The following PLA2G7 variants were observed in gnomAD, a reference collection of about 807,000 sequenced individuals.
PLA2G7 encodes the protein phospholipase A2 group VII.
PLA2G7 carries 63 observed loss-of-function variants against 49.6 expected under a neutral mutation model. That is an observed-to-expected ratio of 1.27 (90% confidence interval 1.04 to 1.57). The LOEUF (loss-of-function observed/expected upper bound fraction) is 1.57, where lower values mean the gene tolerates loss of function less well. Among genes scored for constraint, PLA2G7 ranks in the 40% most tolerant of loss-of-function variants. The pLI is 0.00. For missense variants in PLA2G7, 596 were observed against 521.2 expected, an observed-to-expected ratio of 1.14 and a Z score of -1.40; for synonymous variants, 193 against 169.9, an observed-to-expected ratio of 1.14 and a Z score of -1.06.
rs976172027 is a variant in PLA2G7, at chr6:46,704,464, T to A, written c.*96A>T. On this transcript the variant is annotated 3_prime_UTR_variant, in exon 12 of 12. Transcript: ENST00000274793. Reference sequence around the variant, plus strand: ...AATTCTCTCTCTCTCTCTCTCTCTCTCTCTCTCTCTCTCTCACACACACAC... The same window carrying A: ...AATTCTCTCTCTCTCTCTCTCTCTCACTCTCTCTCTCTCTCACACACACAC... 1 of 600,558 alleles carries A rather than the reference T, an allele frequency of 1.7e-6. No individual in the cohort carries two copies. The highest frequency in any genetic ancestry group is 2.9e-6 in the Non-Finnish European group (1 of 349,900). 37.2% of individuals were successfully genotyped at this position (600,558 alleles called of 1,614,324 possible).
chr6:46,711,464 CACCA>C, intron 7 of PLA2G7, 28 bp downstream of exon 7: 1 of 1,612,090 alleles, frequency 6.2e-7, no homozygotes, highest in Non-Finnish European at 8.5e-7. Context: ...GCTTTTAGGT[CACCA>C]ACCACCTCTC....
In PLA2G7 at chr6:46,711,522, C is replaced by T; in HGVS notation, c.637G>A (p.Glu213Lys). 1 of 1,613,790 alleles carries T rather than the reference C, an allele frequency of 6.2e-7. No homozygotes were observed. The highest frequency in any genetic ancestry group is 8.5e-7 in the Non-Finnish European group (1 of 1,179,720). The change falls in exon 7 of 12, where the codon GAG (glutamate) becomes AAG (lysine). Residue 213 changes from glutamate (E) to lysine (K), a missense_variant. Glu to Lys is a moderately conservative substitution (Grantham distance 56). Transcript: ENST00000274793. ...WLYLRTLKQEEETHIRNEQVR... is the reference protein window; with the variant it reads ...WLYLRTLKQEKETHIRNEQVR... ...TGCTCATTTCGTATATGTGTCTCCT[C>T]CTCTTGTTTCAGGGTTCTAAGGTAG...
chr6:46,710,415 G>A (rs1012581357), intron 8 of PLA2G7, 130 bp downstream of exon 8: 2 of 696,018 alleles, frequency 2.9e-6, no homozygotes, highest in East Asian at 2.7e-5. Flanking sequence ...GTGTGTCTGT[G>A]TGTGCGCATT....
At chr6:46,715,382 T>G (rs558842282) in intron 4 of PLA2G7, among the ~76,000 whole-genome samples, 6 of 152,354 alleles carry the variant, frequency 3.9e-5, no homozygotes, top group Admixed American at 3.9e-4. Flanking sequence ...CCTTAAACTT[T>G]CTGTACTTCA....
At chr6:46,729,176 A>T (rs1338347136) in intron 1 of PLA2G7, among the ~76,000 whole-genome samples, 1 of 152,190 alleles carries the variant, frequency 6.6e-6, no homozygotes, top group Non-Finnish European at 1.5e-5. Context: ...ACAGGCACAG[A>T]TGCTCTCCCG....
chr6:46,704,634 G>A lies in PLA2G7; in HGVS notation c.1252C>T (p.Pro418Ser), dbSNP rs368877374. 1.9e-6 allele frequency: 3 copies of A among 1,581,610 alleles called. No homozygotes were observed. The highest frequency in any genetic ancestry group is 2.6e-6 in the Non-Finnish European group (3 of 1,150,484). Reference protein sequence around the residue: ...LIEGDDENLIPGTNINTTNQH... With the variant: ...LIEGDDENLISGTNINTTNQH... ...TTGGTTGTGTTAATGTTGGTCCCTG[G>A]AATAAGATTCTCATCATCTCCTTCA... The change falls in exon 12 of 12, where the codon CCA becomes TCA. Residue 418 changes from proline to serine, a missense_variant. Physicochemically the swap from Pro to Ser is moderately conservative, Grantham distance 74. Coordinates refer to ENST00000274793, the MANE Select transcript of PLA2G7 (RefSeq NM_005084.4).
chr6:46,704,542 A>G lies in PLA2G7; in HGVS notation c.*18T>C, dbSNP rs1363053858. ...TAGACAGTTTTGAAACAAGACTTTT[A>G]AAAAACCTATTTTAATCCTAATTGT... On this transcript the variant is annotated 3_prime_UTR_variant, in exon 12 of 12. Transcript: ENST00000274793. 2 of 1,496,534 alleles carry G rather than the reference A, an allele frequency of 1.3e-6. No homozygotes were observed. The highest frequency in any genetic ancestry group is 2.8e-5 in the African/African-American group (2 of 72,566). 92.7% of individuals were successfully genotyped at this position (1,496,534 alleles called of 1,614,324 possible). A position where few individuals can be genotyped will look rare whatever the true frequency, so the allele number is the denominator to read the frequency against.
rs753157906 is a variant in PLA2G7, at chr6:46,705,287, T to C, written c.1055A>G (p.Gln352Arg). 3.7e-6 allele frequency: 6 copies of C among 1,612,272 alleles called. No homozygotes were observed. The South Asian group carries it at 6.6e-5, about 18-fold the overall frequency. The change falls in exon 11 of 12, where the codon CAG becomes CGG. Residue 352 changes from glutamine to arginine, a missense_variant. Gln to Arg is a conservative substitution (Grantham distance 43, BLOSUM62 1). Coordinates refer to ENST00000274793, the MANE Select transcript of PLA2G7 (RefSeq NM_005084.4). Reference sequence around the variant, plus strand: ...TGCAAAAGTGAAGTCAGCAAAATTCTGGTGGACTGAACCCCTAAAAGAGAA... The same window carrying C: ...TGCAAAAGTGAAGTCAGCAAAATTCCGGTGGACTGAACCCCTAAAAGAGAA... The part of the protein sequence containing the change: ...KMITIRGSVH[Q>R]NFADFTFATG...
Position 46,735,369 on chromosome 6 carries a change from G to A in PLA2G7, c.-224C>T, listed in dbSNP as rs200704925. On this transcript the variant is annotated 5_prime_UTR_variant, in exon 1 of 12. Transcript: ENST00000274793. ...GGCGGCGGGCGGGTGGGCTGCGCGC[G>A]GGCTGTGTCCTGGGTCCGCCTAGCG... 2.0e-5 allele frequency: 3 copies of A among 152,692 alleles called. No homozygotes were observed. The highest frequency in any genetic ancestry group is 7.2e-5 in the African/African-American group (3 of 41,470). 9.5% of individuals were successfully genotyped at this position (152,692 alleles called of 1,614,324 possible). A position where few individuals can be genotyped will look rare whatever the true frequency, so the allele number is the denominator to read the frequency against.
chr6:46,716,247 A>T, intron 4 of PLA2G7, 137 bp downstream of exon 4: 1 of 895,198 alleles, frequency 1.1e-6, no homozygotes, highest in Non-Finnish European at 1.8e-6. Context: ...GCTTTAAAGA[A>T]ATACTTTCCT....
chr6:46,706,008 A>G (rs886831475), intron 10 of PLA2G7, among the ~76,000 whole-genome samples: 3 of 152,134 alleles, frequency 2.0e-5, no homozygotes, highest in Non-Finnish European at 4.4e-5. Flanking sequence ...CCATTGGCTG[A>G]ATGTAGGCAT....
At chr6:46,711,194 A>G (rs1290604852) in intron 7 of PLA2G7, among the ~76,000 whole-genome samples, 1 of 152,216 alleles carries the variant, frequency 6.6e-6, no homozygotes, top group Non-Finnish European at 1.5e-5. Context: ...TCTGTGAGGA[A>G]GAATCTATTA....
chr6:46,709,534 T>G (rs183891489), intron 8 of PLA2G7, 116 bp from the exon 9 acceptor site: 1 of 690,842 alleles, frequency 1.4e-6, no homozygotes, highest in Admixed American at 2.1e-5. Flanking sequence ...TGATTTCTTA[T>G]AAAATAGAAT....
intron 2 of PLA2G7, among the ~76,000 whole-genome samples, chr6:46,718,734 T>C (rs1765295677): frequency 6.6e-6 from 1 of 152,236 alleles, no homozygotes; most frequent in South Asian, 2.1e-4. Context: ...CAATATTACA[T>C]AGATTCTATG....
intron 1 of PLA2G7, among the ~76,000 whole-genome samples, chr6:46,733,027 A>G (rs1332620722): frequency 6.6e-6 from 1 of 152,090 alleles, no homozygotes; most frequent in Non-Finnish European, 1.5e-5. Context: ...TCCAATATCC[A>G]CCTTCCTTTC....
At position 46,711,536 on chromosome 6, in the gene PLA2G7, G is replaced by A. The variant is rs377019028; in HGVS notation, c.623C>T (p.Thr208Ile). 1 of 1,613,722 alleles carries A rather than the reference G, an allele frequency of 6.2e-7. No homozygotes were observed. Among genetic ancestry groups the A allele is most frequent in the Non-Finnish European group, 8.5e-7 (1 of 1,179,680 alleles). ...IGDKSWLYLR[T>I]LKQEEETHIR... ...ATGTGTCTCCTCCTCTTGTTTCAGG[G>A]TTCTAAGGTAGAGCCAAGACTTGTC... The change falls in exon 7 of 12, where the codon ACC becomes ATC. Residue 208 changes from threonine (T) to isoleucine (I), a missense_variant. By Grantham distance (89) the Thr-to-Ile change is moderately conservative. Transcript: ENST00000274793.
upstream of PLA2G7, chr6:46,735,693 C>G (rs1311122595): frequency 6.6e-6 from 1 of 152,490 alleles, no homozygotes; most frequent in African/African-American, 2.4e-5. Flanking sequence ...GCCGGTTTTC[C>G]TTGTTTCACC....
chr6:46,721,926 A>G (rs1562076949), intron 2 of PLA2G7, among the ~76,000 whole-genome samples: 1 of 152,122 alleles, frequency 6.6e-6, no homozygotes, highest in Non-Finnish European at 1.5e-5. Context: ...ACAACTATCC[A>G]GGTGCACAGC....
intron 2 of PLA2G7, among the ~76,000 whole-genome samples, chr6:46,721,216 A>ATT (rs1017880399): frequency 1.4e-5 from 2 of 145,544 alleles, no homozygotes; most frequent in Non-Finnish European, 3.0e-5. Flanking sequence ...AATTTTATGT[A>ATT]TTTTTTTTTT....
Sources: allele counts gnomAD v4.1 joint callset (sites outside exome capture counted in the v4.1 genomes callset), GRCh38; gene constraint gnomAD v4.1.1; transcripts MANE v1.5; gene names NCBI Gene and HGNC (gene_info 2026-07-23, HGNC 2026-07-21).